Variants in TBC1D8B observed in about 807,000 individuals in gnomAD.
TBC1D8B encodes the protein RP11-321G1.1.
In TBC1D8B, 75 loss-of-function variants were observed where a neutral mutation model predicts 82.9. The ratio of observed to expected loss-of-function variants is 0.90; its 90% confidence interval spans 0.75 to 1.10. TBC1D8B has a LOEUF of 1.10. TBC1D8B is among the 50% of genes least tolerant of loss of function. TBC1D8B has a pLI of 0.00. For synonymous variants in TBC1D8B, 276 were observed against 276.8 expected (o/e 1.00, Z 0.03); for missense variants, 794 against 796.9 (o/e 1.00, Z 0.04).
chrX:106,810,558 A>G (rs1217152094), intron 1 of TBC1D8B, among the ~76,000 whole-genome samples: 2 of 112,175 alleles, frequency 1.8e-5, no homozygotes, highest in South Asian at 3.7e-4. Context: ...TTCAGTGGAC[A>G]TAAAACAGCC....
chrX:106,861,558 T>G (rs760752385), intron 14 of TBC1D8B, among the ~76,000 whole-genome samples: 29 of 112,167 alleles, frequency 2.6e-4, no homozygotes, highest in African/African-American at 8.4e-4. Flanking sequence ...TGCTTTTTTC[T>G]GTTTTCCATT....
In TBC1D8B at chrX:106,850,126, C is replaced by T. The variant is rs778624354; in HGVS notation, c.1939C>T (p.Leu647Phe). Residue 647 changes from leucine to phenylalanine, a missense_variant, in exon 12 of 21, where the codon CTC (leucine) becomes TTC (phenylalanine). By Grantham distance (22) the Leu-to-Phe change is conservative (BLOSUM62 0). Transcript: ENST00000357242. ...TATGACATTCTTTTCCTCAGTTTCT[C>T]TCTCTTGGTTTCTCACACTTTTTAT... ...TDMTFFSSVS[L>F]SWFLTLFISV... 2 of 1,211,507 alleles carry T rather than the reference C, an allele frequency of 1.7e-6. No homozygotes were observed. Among genetic ancestry groups the T allele is most frequent in the Admixed American group, 4.3e-5 (2 of 46,019 alleles).
At chrX:106,804,484 AAG>A (rs1422336137) in intron 1 of TBC1D8B, among the ~76,000 whole-genome samples, 1 of 112,165 alleles carries the variant, frequency 8.9e-6, no homozygotes, top group East Asian at 2.8e-4. Context: ...TATTTTGCAG[AAG>A]AGTCTTTCCA....
chrX:106,811,294 GC>G (rs1403011604), intron 1 of TBC1D8B, among the ~76,000 whole-genome samples: 1 of 111,923 alleles, frequency 8.9e-6, no homozygotes. Context: ...GGAGGCCAAG[GC>G]AGGAGAATTG....
intron 14 of TBC1D8B, 75 bp downstream of exon 14, chrX:106,854,371 TC>T: frequency 4.7e-6 from 3 of 634,629 alleles, no homozygotes; most frequent in Non-Finnish European, 4.6e-6. Flanking sequence ...GAAATTATCT[TC>T]TGGGCGAATA....
rs1409083116 is a variant in TBC1D8B, at chrX:106,875,732, A to C, written c.*1767A>C. 7 of 112,076 alleles carry C rather than the reference A, an allele frequency of 6.2e-5. No individual in the cohort carries two copies. The allele number at this position is 112,076 out of a possible 1,213,427, so 9.2% of individuals were successfully genotyped here. A position where few individuals can be genotyped will look rare whatever the true frequency, so the allele number is the denominator to read the frequency against. On this transcript the variant is annotated 3_prime_UTR_variant, in exon 21 of 21. Coordinates refer to ENST00000357242, the MANE Select transcript of TBC1D8B (RefSeq NM_017752.3). ...ATGTATACAAGGCACTATTGTACAC[A>C]CTTTGCTGAATATTTTGTCAGTTGT...
intron 10 of TBC1D8B, among the ~76,000 whole-genome samples, chrX:106,842,426 C>T (rs1932329178): frequency 1.8e-5 from 2 of 110,604 alleles, no homozygotes; most frequent in South Asian, 7.8e-4. Context: ...GAGAATAAGC[C>T]CACCTTGGGA....
At chrX:106,816,002 A>G (rs1931531798) in intron 1 of TBC1D8B, among the ~76,000 whole-genome samples, 1 of 111,622 alleles carries the variant, frequency 9.0e-6, no homozygotes, top group African/African-American at 3.3e-5. Flanking sequence ...AACTGGCACA[A>G]GACAGGGATG....
Position 106,840,781 on chromosome X carries a change from C to G in TBC1D8B, c.1616C>G (p.Ser539Cys), listed in dbSNP as rs146079986. The G allele has an allele frequency of 1.7e-6, 2 of 1,211,265 alleles. No individual in the cohort carries two copies. The highest frequency in any genetic ancestry group is 2.2e-5 in the Admixed American group (1 of 45,981). Residue 539 changes from serine to cysteine, a missense_variant, in exon 10 of 21, where the codon TCT becomes TGT. Ser to Cys is a moderately radical substitution (Grantham distance 112). Coordinates refer to ENST00000357242, the MANE Select transcript of TBC1D8B (RefSeq NM_017752.3). ...GAAATTGAACGTGATTTACGTCGCT[C>G]TCTGCCTGAGCACCCAGCCTTTCAG... ...TEEIERDLRR[S>C]LPEHPAFQSD...
Position 106,822,065 on chromosome X carries a change from GT to G in TBC1D8B, c.453del (p.Phe151LeufsTer9), listed in dbSNP as rs760454010. ...GAAGCCCTTTTGAAATTTGAAAAAT[GT>G]TTTGGTTTACCAGAGAAGGAGAAGT... ...FREALLKFEK[C>X]FGLPEKEKLV... On this transcript the variant is annotated frameshift_variant, in exon 4 of 21. Transcript: ENST00000357242. LOFTEE classifies it high-confidence loss of function. 3 of 1,210,545 alleles carry G rather than the reference GT, an allele frequency of 2.5e-6. No individual in the cohort carries two copies. The Admixed American group carries it at 6.5e-5, about 26-fold the overall frequency.
intron 10 of TBC1D8B, among the ~76,000 whole-genome samples, chrX:106,846,451 T>A: frequency 1.1e-5 from 1 of 87,274 alleles, no homozygotes; most frequent in African/African-American, 4.1e-5. Context: ...GGGAGGGGGG[T>A]GGGAATAGGG....
Position 106,875,731 on chromosome X carries a change from C to T in TBC1D8B, c.*1766C>T, listed in dbSNP as rs1344521168. The T allele has an allele frequency of 8.9e-6, 1 of 111,940 alleles. No individual in the cohort carries two copies. The highest frequency in any genetic ancestry group is 3.7e-4 in the South Asian group (1 of 2,696). 9.2% of individuals were successfully genotyped at this position (111,940 alleles called of 1,213,427 possible). A position where few individuals can be genotyped will look rare whatever the true frequency, so the allele number is the denominator to read the frequency against. On this transcript the variant is annotated 3_prime_UTR_variant, in exon 21 of 21. Coordinates refer to ENST00000357242, the MANE Select transcript of TBC1D8B (RefSeq NM_017752.3). ...CATGTATACAAGGCACTATTGTACA[C>T]ACTTTGCTGAATATTTTGTCAGTTG...
In TBC1D8B at chrX:106,802,892, G is replaced by C; in HGVS notation, c.39G>C (p.Ala13=). 1 of 1,211,438 alleles carries C rather than the reference G, an allele frequency of 8.3e-7. No individual in the cohort carries two copies. Among genetic ancestry groups the C allele is most frequent in the Non-Finnish European group, 1.1e-6 (1 of 895,402 alleles). ...LKPEEVLLKN[A]LKLWLMERSN... ...CTGAGGAAGTGCTTCTGAAAAATGC[G>C]CTGAAGCTGTGGCTGATGGAAAGGT... The change falls in exon 1 of 21, where the codon GCG becomes GCC. Residue 13 remains alanine, a synonymous_variant. Coordinates refer to ENST00000357242, the MANE Select transcript of TBC1D8B (RefSeq NM_017752.3).
rs1932555049 is a variant in TBC1D8B at position 106,850,063 on chromosome X, A to G, written c.1876A>G (p.Arg626Gly). ...VDQAVFEELI[R>G]DHLPQLTEHM... ...TCAGGCAGTCTTTGAAGAACTTATC[A>G]GGGATCACCTTCCTCAGCTGACAGA... is the stretch of plus-strand genomic sequence containing the variant. The change falls in exon 12 of 21, where the codon AGG becomes GGG. Residue 626 changes from arginine (R) to glycine (G), a missense_variant. Transcript: ENST00000357242. The G allele has an allele frequency of 8.3e-7, 1 of 1,207,555 alleles. No individual in the cohort carries two copies. The highest frequency in any genetic ancestry group is 1.7e-5 in the African/African-American group (1 of 57,227).
At chrX:106,820,582 T>C (rs1027915896) in intron 2 of TBC1D8B, among the ~76,000 whole-genome samples, 2 of 111,788 alleles carry the variant, frequency 1.8e-5, no homozygotes, top group Non-Finnish European at 3.8e-5. Context: ...TACTGGTTAT[T>C]CTTTAGGCAC....
intron 10 of TBC1D8B, among the ~76,000 whole-genome samples, chrX:106,842,894 C>T (rs1010832321): frequency 9.0e-6 from 1 of 111,157 alleles, no homozygotes; most frequent in Non-Finnish European, 1.9e-5. Flanking sequence ...GATCTACTTT[C>T]TAGCTCTATG....
intron 10 of TBC1D8B, among the ~76,000 whole-genome samples, chrX:106,842,647 C>G (rs1569453441): frequency 2.2e-5 from 2 of 89,225 alleles, no homozygotes; most frequent in African/African-American, 9.5e-5. Context: ...ATCTATCTAT[C>G]TATCTATTCT....
At chrX:106,849,965 G>T (rs1405910915) in intron 11 of TBC1D8B, 60 bp from the exon 12 acceptor site, 28 of 1,124,151 alleles carry the variant, frequency 2.5e-5, no homozygotes, top group Non-Finnish European at 3.2e-5. Flanking sequence ...AAGTGGGGAG[G>T]TATGGAAACA....
At chrX:106,815,690 T>C (rs1413079010) in intron 1 of TBC1D8B, 3 of 111,160 alleles carry the variant, frequency 2.7e-5, no homozygotes, top group Non-Finnish European at 5.7e-5. Flanking sequence ...CATGGAATGA[T>C]CTTCCATTTG....
Sources: allele counts gnomAD v4.1 joint callset (sites outside exome capture counted in the v4.1 genomes callset), GRCh38; gene constraint gnomAD v4.1.1; transcripts MANE v1.5; gene names NCBI Gene and HGNC (gene_info 2026-07-23, HGNC 2026-07-21).